Variants in PPP4R4 observed in about 807,000 individuals in gnomAD.
The protein encoded by PPP4R4 is protein phosphatase 4 regulatory subunit 4.
Under a neutral mutation model 121.8 loss-of-function variants are expected in PPP4R4, and 70 were observed. That is an observed-to-expected ratio of 0.57 (90% CI 0.47 to 0.70). The LOEUF is 0.70. Ranked by LOEUF, PPP4R4 falls within the 30% of genes least tolerant of loss-of-function variation. The pLI, the probability that PPP4R4 is intolerant of heterozygous loss-of-function variation, is 0.00. For synonymous variants in PPP4R4, 348 were observed against 355.7 expected (o/e 0.98, Z 0.24); for missense variants, 875 against 1,033.6 (o/e 0.85, Z 2.10).
At chr14:94,230,029 T>C (rs1891926434) in intron 3 of PPP4R4, among the ~76,000 whole-genome samples, 1 of 152,250 alleles carries the variant, frequency 6.6e-6, no homozygotes, top group Non-Finnish European at 1.5e-5. Context: ...AATTAATTTT[T>C]AAAAGCATAT....
chr14:94,271,832 G>A (rs565200077), intron 23 of PPP4R4, among the ~76,000 whole-genome samples: 1 of 152,156 alleles, frequency 6.6e-6, no homozygotes, highest in Non-Finnish European at 1.5e-5. Flanking sequence ...TCAATGTAAG[G>A]TTAATGTGCA....
intron 11 of PPP4R4, among the ~76,000 whole-genome samples, chr14:94,244,297 T>G (rs1193003574): frequency 6.6e-6 from 1 of 152,198 alleles, no homozygotes; most frequent in Non-Finnish European, 1.5e-5. Context: ...GGATATCCTT[T>G]AAGACCCTGT....
intron 19 of PPP4R4, among the ~76,000 whole-genome samples, chr14:94,262,522 T>C (rs1389034104): frequency 6.6e-6 from 1 of 151,980 alleles, no homozygotes; most frequent in Admixed American, 6.6e-5. Context: ...ATCATGTCAC[T>C]TAACAATAAT....
intron 3 of PPP4R4, among the ~76,000 whole-genome samples, chr14:94,218,748 A>G (rs1420891270): frequency 3.8e-5 from 5 of 131,886 alleles, no homozygotes; most frequent in Non-Finnish European, 4.7e-5. Flanking sequence ...GCGCGCGCAC[A>G]CACACACACA....
At chr14:94,258,700 C>A (rs964687216) in intron 17 of PPP4R4, 83 bp from the exon 18 acceptor site, 7 of 1,003,198 alleles carry the variant, frequency 7.0e-6, no homozygotes, top group Non-Finnish European at 1.1e-5. Context: ...ATTTGAACCT[C>A]CATTTGCAAA....
rs555358045 is a variant in PPP4R4, at chr14:94,266,020, T to G, written c.2378+133T>G. ...TTTATAGGCCAGTATTTTGTGAGTG[T>G]TCTTCTGTAGGGATTGTTATATTTA... is the stretch of plus-strand genomic sequence containing the variant. On this transcript the variant is annotated intron_variant, in intron 22 of 24. Transcript: ENST00000304338. 6 of 605,950 alleles carry G rather than the reference T, an allele frequency of 9.9e-6. No homozygotes were observed. In the East Asian group the frequency reaches 1.3e-4, roughly 13 times the overall value. The allele number at this position is 605,950 out of a possible 1,614,324, so 37.5% of individuals were successfully genotyped here.
At chr14:94,218,302 G>A (rs1891139091) in intron 3 of PPP4R4, among the ~76,000 whole-genome samples, 1 of 151,974 alleles carries the variant, frequency 6.6e-6, no homozygotes, top group African/African-American at 2.4e-5. Context: ...GAAGACCAGA[G>A]GACTCAGAGC....
chr14:94,178,356 A>G (rs1888791689), intron 2 of PPP4R4, among the ~76,000 whole-genome samples: 1 of 150,482 alleles, frequency 6.6e-6, no homozygotes, highest in African/African-American at 2.4e-5. Context: ...AACATGTTAT[A>G]TATATATTTT....
chr14:94,232,530 A>G (rs114062831), intron 5 of PPP4R4, among the ~76,000 whole-genome samples: 1 of 152,182 alleles, frequency 6.6e-6, no homozygotes, highest in African/African-American at 2.4e-5. Flanking sequence ...GTATAATGCA[A>G]TTTTTACTCT....
chr14:94,227,320 T>G, intron 3 of PPP4R4: 1 of 1,612,576 alleles, frequency 6.2e-7, no homozygotes, highest in Non-Finnish European at 8.5e-7. Flanking sequence ...ATCCAGAGAG[T>G]ATGGATCTCA....
intron 23 of PPP4R4, among the ~76,000 whole-genome samples, chr14:94,269,605 C>G (rs1000903031): frequency 6.6e-6 from 1 of 151,102 alleles, no homozygotes; most frequent in Non-Finnish European, 1.5e-5. Context: ...GGTGTGAACC[C>G]GGGAGGCAGA....
chr14:94,239,601 G>A (rs1477562413), intron 8 of PPP4R4, among the ~76,000 whole-genome samples: 3 of 151,880 alleles, frequency 2.0e-5, no homozygotes, highest in Middle Eastern at 3.2e-3. Context: ...CTGGCCCACC[G>A]CCTGTTTTTG....
chr14:94,180,463 G>A (rs1469334424), intron 2 of PPP4R4, among the ~76,000 whole-genome samples: 1 of 152,086 alleles, frequency 6.6e-6, no homozygotes, highest in Non-Finnish European at 1.5e-5. Context: ...ATTGGTTAAT[G>A]TACTGAGACT....
chr14:94,191,254 GT>G (rs1401167670), intron 2 of PPP4R4, among the ~76,000 whole-genome samples: 1 of 152,108 alleles, frequency 6.6e-6, no homozygotes, highest in East Asian at 1.9e-4. Context: ...ATTCTAAACT[GT>G]ATCCTAAGGA....
rs770218294 is a variant in PPP4R4 at position 94,241,881 on chromosome 14, A to T, written c.1070A>T (p.Asn357Ile). ...CAACAAGAAAATGGACACAATGAAAACCAGATTCCACCCCAAATCCTAGAG... is the reference window on the plus strand; with the variant it reads ...CAACAAGAAAATGGACACAATGAAATCCAGATTCCACCCCAAATCCTAGAG... Reference protein sequence around the residue: ...GLQQENGHNENQIPPQILEQE... With the variant: ...GLQQENGHNEIQIPPQILEQE... Residue 357 changes from asparagine (N) to isoleucine (I), a missense_variant, in exon 10 of 25, where the codon AAC becomes ATC. Asn to Ile is a moderately radical substitution (Grantham distance 149). Transcript: ENST00000304338. 2.5e-6 allele frequency: 4 copies of T among 1,611,088 alleles called. No homozygotes were observed. The East Asian group carries it at 8.9e-5, about 36-fold the overall frequency.
rs1288279191 is a variant in PPP4R4, at chr14:94,237,647, T to C, written c.814T>C (p.Phe272Leu). Residue 272 changes from phenylalanine (F) to leucine (L), a missense_variant, in exon 8 of 25, where the codon TTT becomes CTT. Physicochemically the swap from Phe to Leu is conservative, Grantham distance 22. Transcript: ENST00000304338. ...DEGSSVRLAAFETLVNLLDIF... is the reference protein window; with the variant it reads ...DEGSSVRLAALETLVNLLDIF... ...AGGCAGCAGTGTACGACTTGCAGCTTTTGAAACTTTGGTTAATCTGCTTGA... is the reference window on the plus strand; with the variant it reads ...AGGCAGCAGTGTACGACTTGCAGCTCTTGAAACTTTGGTTAATCTGCTTGA... 1 of 1,612,228 alleles carries C rather than the reference T, an allele frequency of 6.2e-7. No homozygotes were observed. The highest frequency in any genetic ancestry group is 1.1e-5 in the South Asian group (1 of 91,030).
chr14:94,277,894 G>T (rs574079633), intron 24 of PPP4R4, among the ~76,000 whole-genome samples: 4 of 152,274 alleles, frequency 2.6e-5, no homozygotes, highest in Admixed American at 2.0e-4. Context: ...AAGGAGGGAC[G>T]TTGATATCCA....
chr14:94,264,761 ACTT>A (rs1160535184), intron 19 of PPP4R4, 114 bp from the exon 20 acceptor site: 25 of 770,946 alleles, frequency 3.2e-5, no homozygotes, highest in Non-Finnish European at 4.1e-5. Context: ...GGAAAAAAAT[ACTT>A]CTTTTAGGCA....
intron 3 of PPP4R4, among the ~76,000 whole-genome samples, chr14:94,229,118 C>T (rs78812512): frequency 0.019 from 2,916 of 152,250 alleles, 89 homozygotes; most frequent in African/African-American, 0.066. Flanking sequence ...GTGACATTAT[C>T]TGACTTATTT....
Sources: gnomAD v4.1 joint callset for allele counts (sites outside exome capture counted in the v4.1 genomes callset) on GRCh38, gnomAD v4.1.1 for gene constraint, MANE v1.5 for transcripts, NCBI Gene and HGNC (gene_info 2026-07-23, HGNC 2026-07-21) for gene names.